Variants in HS6ST1 observed in about 807,000 individuals in gnomAD.
HS6ST1 encodes the protein heparan sulfate 6-O-sulfotransferase 1, also known as heparan-sulfate 6-O-sulfotransferase 1.
A neutral mutation model predicts 25.2 loss-of-function variants in HS6ST1; 3 were observed. That is an observed-to-expected ratio of 0.12 (90% CI 0.05 to 0.31). The LOEUF (loss-of-function observed/expected upper bound fraction) is 0.31, where lower values mean the gene tolerates loss of function less well. Ranked by LOEUF, HS6ST1 falls within the 10% of genes least tolerant of loss-of-function variation. HS6ST1 has a pLI of 1.00. For synonymous variants in HS6ST1, 204 were observed against 275.1 expected, an observed-to-expected ratio of 0.74 and a Z score of 2.56; for missense variants, 310 against 609.6, an observed-to-expected ratio of 0.51 and a Z score of 5.18.
At chr2:128,300,415 T>G (rs1694106674) in intron 1 of HS6ST1, among the ~76,000 whole-genome samples, 1 of 152,142 alleles carries the variant, frequency 6.6e-6, no homozygotes, top group South Asian at 2.1e-4. Context: ...GCTTCCACAG[T>G]ACGCCTGCCC....
intron 1 of HS6ST1, among the ~76,000 whole-genome samples, chr2:128,308,614 G>C (rs900764483): frequency 1.3e-5 from 2 of 152,216 alleles, no homozygotes; most frequent in Non-Finnish European, 2.9e-5. Context: ...GAGCTTTCTG[G>C]AGATCCTGGT....
chr2:128,279,228 T>A (rs72967045), intron 1 of HS6ST1, among the ~76,000 whole-genome samples: 9,494 of 151,362 alleles, frequency 0.063, 990 homozygotes, highest in African/African-American at 0.22. Context: ...GTTTCTAAAC[T>A]CAGACCCTGA....
chr2:128,290,817 CAA>C (rs57754041), intron 1 of HS6ST1, among the ~76,000 whole-genome samples: 1,439 of 60,490 alleles, frequency 0.024, 13 homozygotes, highest in African/African-American at 0.086. Context: ...ACTAAAAATA[CAA>C]AAAAAAAAAA....
chr2:128,307,416 G>A (rs1018941190), intron 1 of HS6ST1, among the ~76,000 whole-genome samples: 1 of 152,236 alleles, frequency 6.6e-6, no homozygotes, highest in East Asian at 1.9e-4. Flanking sequence ...GCTGGAAGAT[G>A]GGATGTACCT....
chr2:128,318,225 C>A lies in HS6ST1; in HGVS notation c.339G>T (p.Glu113Asp). 1 of 1,545,478 alleles carries A rather than the reference C, an allele frequency of 6.5e-7. No individual in the cohort carries two copies. Residue 113 changes from glutamate (E) to aspartate (D), a missense_variant, in exon 1 of 2, where the codon GAG (glutamate) becomes GAT (aspartate). This residue lies in a region of HS6ST1 where 98 missense variants were observed against 270.3 expected (regional missense o/e 0.36). Coordinates refer to ENST00000259241, the MANE Select transcript of HS6ST1 (RefSeq NM_004807.3). The surrounding 1 kb of genome is among the most constrained non-coding windows in gnomAD (Gnocchi z 5.7). ...GGCCGGGCCGGCAGTCGCACGGCAC[C>A]TCGAGGCGTACGTTCTGCACGAGGT... ...GRHLVQNVRL[E>D]VPCDCRPGQK...
chr2:128,265,669 A>T lies in HS6ST1; in HGVS notation c.*2493T>A, dbSNP rs1242717206. The T allele has an allele frequency of 1.3e-5, 2 of 152,196 alleles. No homozygotes were observed. Among genetic ancestry groups the T allele is most frequent in the African/African-American group, 4.8e-5 (2 of 41,440 alleles). The allele number at this position is 152,196 out of a possible 1,614,324, so 9.4% of individuals were successfully genotyped here. A position where few individuals can be genotyped will look rare whatever the true frequency, so the allele number is the denominator to read the frequency against. Reference sequence around the variant, plus strand: ...CTTTAAACAATCCTGGGTTCAAGTTAAACAGTTCCAGTTCCCGAAAAGTTC... The same window carrying T: ...CTTTAAACAATCCTGGGTTCAAGTTTAACAGTTCCAGTTCCCGAAAAGTTC... On this transcript the variant is annotated 3_prime_UTR_variant, in exon 2 of 2. Transcript: ENST00000259241.
chr2:128,310,809 A>C (rs1036294277), intron 1 of HS6ST1, among the ~76,000 whole-genome samples: 5 of 152,158 alleles, frequency 3.3e-5, no homozygotes, highest in African/African-American at 4.8e-5. Context: ...CCCTATCAGG[A>C]AAGGGGCACT....
intron 1 of HS6ST1, among the ~76,000 whole-genome samples, chr2:128,296,497 G>A (rs534802265): frequency 6.6e-6 from 1 of 152,178 alleles, no homozygotes; most frequent in Admixed American, 6.5e-5. Context: ...AAACCTGTTA[G>A]AGCTAATAAA....
intron 1 of HS6ST1, among the ~76,000 whole-genome samples, chr2:128,309,996 A>T (rs528050284): frequency 5.3e-4 from 81 of 152,344 alleles, no homozygotes; most frequent in Non-Finnish European, 9.8e-4. Context: ...CAAATGGCAG[A>T]CTGCCACCCC....
At chr2:128,307,858 C>A (rs954912261) in intron 1 of HS6ST1, among the ~76,000 whole-genome samples, 1 of 152,142 alleles carries the variant, frequency 6.6e-6, no homozygotes, top group African/African-American at 2.4e-5. Flanking sequence ...TGAGCGAGCA[C>A]CGTGGCCGCA....
At position 128,291,982 on chromosome 2, in the gene HS6ST1, A is replaced by G. The variant is rs567616021; in HGVS notation, c.528-23112T>C. On this transcript the variant is annotated intron_variant, in intron 1 of 1. Transcript: ENST00000259241. Reference sequence around the variant, plus strand: ...CTCAACGCCAGGGGAGACCCTGCCAAGCTCCTCCATCCTAGGGTGGCTGTG... The same window carrying G: ...CTCAACGCCAGGGGAGACCCTGCCAGGCTCCTCCATCCTAGGGTGGCTGTG... Among the ~76,000 whole-genome samples, 10 of 152,270 alleles carry G rather than the reference A, an allele frequency of 6.6e-5. No homozygotes were observed. In the South Asian group the frequency reaches 2.1e-3, roughly 32 times the overall value.
intron 1 of HS6ST1, among the ~76,000 whole-genome samples, chr2:128,275,066 G>A (rs760590565): frequency 1.4e-4 from 21 of 151,804 alleles, no homozygotes; most frequent in South Asian, 4.2e-4. Flanking sequence ...AATGGTAGGT[G>A]TGTGGCAGAT....
rs571209454 is a variant in HS6ST1, at chr2:128,289,817, G to A, written c.528-20947C>T. On this transcript the variant is annotated intron_variant, in intron 1 of 1. Transcript: ENST00000259241. ...ACCTGCTTTCACCAACCACAGGCCA[G>A]AGGCACCAGGAGAACATGTAAGAGA... 3.3e-5 allele frequency: 5 copies of A among 152,238 alleles called. No homozygotes were observed. In the East Asian group the frequency reaches 7.7e-4, roughly 23 times the overall value. 9.4% of individuals were successfully genotyped at this position (152,238 alleles called of 1,614,324 possible).
intron 1 of HS6ST1, among the ~76,000 whole-genome samples, chr2:128,312,865 G>C (rs1694312396): frequency 6.6e-6 from 1 of 152,174 alleles, no homozygotes; most frequent in Non-Finnish European, 1.5e-5. Flanking sequence ...TTCGAGACTA[G>C]CCTGGCCAAC....
intron 1 of HS6ST1, among the ~76,000 whole-genome samples, chr2:128,270,307 G>C (rs895709219): frequency 2.6e-5 from 4 of 152,206 alleles, no homozygotes; most frequent in Non-Finnish European, 5.9e-5. Context: ...GGCACGGCTG[G>C]TCTCCAGGGG....
intron 1 of HS6ST1, among the ~76,000 whole-genome samples, chr2:128,282,102 T>C (rs1352322583): frequency 1.3e-5 from 2 of 152,220 alleles, no homozygotes; most frequent in Non-Finnish European, 2.9e-5. Context: ...GGCCTGGCAA[T>C]GCTGCTCAGG....
At chr2:128,303,180 C>T (rs840889) in intron 1 of HS6ST1, among the ~76,000 whole-genome samples, 1,754 of 152,376 alleles carry the variant, frequency 0.012, 48 homozygotes, top group African/African-American at 0.039. Context: ...CCACTCTCGA[C>T]GTTCTCTGAA....
rs569521931 is a variant in HS6ST1, at chr2:128,294,349, C to T, written c.527+23688G>A. Among the ~76,000 whole-genome samples, 26 of 152,294 alleles carry T rather than the reference C, an allele frequency of 1.7e-4. No homozygotes were observed. The South Asian group carries it at 3.3e-3, about 19-fold the overall frequency. ...GCCCCGGGCCCTGCCCATGAAGTGC[C>T]GCAGTCCCCGAGGGAGGGGAGGGCT... On this transcript the variant is annotated intron_variant, in intron 1 of 1. Coordinates refer to ENST00000259241, the MANE Select transcript of HS6ST1 (RefSeq NM_004807.3).
chr2:128,300,181 A>C (rs1268536363), intron 1 of HS6ST1, among the ~76,000 whole-genome samples: 2 of 152,196 alleles, frequency 1.3e-5, no homozygotes, highest in Non-Finnish European at 2.9e-5. Context: ...CTACAGGCCC[A>C]TCCCCAACCC....
Sources: gnomAD v4.1 joint callset for allele counts (sites outside exome capture counted in the v4.1 genomes callset) on GRCh38, gnomAD v4.1.1 for gene constraint, gnomAD v4.1.1 regional missense constraint, Gnocchi (gnomAD v3.1) non-coding constraint, MANE v1.5 for transcripts, NCBI Gene and HGNC (gene_info 2026-07-23, HGNC 2026-07-21) for gene names.